Variants in CCDC32 observed in about 807,000 individuals in gnomAD.
CCDC32 encodes coiled-coil domain-containing protein 32.
Under a neutral mutation model 20.1 loss-of-function variants are expected in CCDC32, and 9 were observed. The observed-to-expected ratio is 0.45, with a 90% confidence interval of 0.27 to 0.78. CCDC32 has a LOEUF of 0.78. Ranked by LOEUF, CCDC32 falls within the 30% of genes least tolerant of loss-of-function variation. The pLI, the probability that CCDC32 is intolerant of heterozygous loss-of-function variation, is 0.16. For missense variants in CCDC32, 204 were observed against 215.5 expected (o/e 0.95, Z 0.33); for synonymous variants, 63 against 79.0 (o/e 0.80, Z 1.07).
downstream of CCDC32, among the ~76,000 whole-genome samples, chr15:40,530,291 C>CA (rs3068017): frequency 0.012 from 1,230 of 99,532 alleles, 47 homozygotes; most frequent in East Asian, 0.023. Context: ...AACTACATCT[C>CA]AAAAAAAAAA....
chr15:40,544,466 C>G (rs1889532347), intron 3 of CCDC32, among the ~76,000 whole-genome samples: 1 of 152,200 alleles, frequency 6.6e-6, no homozygotes, highest in Admixed American at 6.5e-5. Flanking sequence ...ATCCTCCCAC[C>G]TTGGCCTCCC....
At chr15:40,528,891 C>T in intron 3 of CCDC32, 9 of 642,770 alleles carry the variant, frequency 1.4e-5, no homozygotes, top group East Asian at 2.7e-5. Flanking sequence ...AGGACAGACT[C>T]GTGTCTAACC....
chr15:40,532,263 T>C, downstream of CCDC32: 1 of 703,270 alleles, frequency 1.4e-6, no homozygotes, highest in Non-Finnish European at 2.6e-6. Flanking sequence ...TGTCCTGGCA[T>C]CAGGTGTCAA....
At chr15:40,560,192 T>TA (rs1398121920) in intron 2 of CCDC32, among the ~76,000 whole-genome samples, 1 of 152,152 alleles carries the variant, frequency 6.6e-6, no homozygotes, top group Non-Finnish European at 1.5e-5. Flanking sequence ...GTATTTTTAT[T>TA]AGAGACAGGG....
downstream of CCDC32, chr15:40,532,195 A>G (rs1595882538): frequency 1.5e-6 from 1 of 667,724 alleles, no homozygotes; most frequent in East Asian, 2.7e-5. Flanking sequence ...GGATCTGGTC[A>G]AGGGATAGGT....
rs536641971 is a variant in CCDC32, at chr15:40,543,067, G to A, written c.402-3712C>T. Among the ~76,000 whole-genome samples, 10 of 151,328 alleles carry A rather than the reference G, an allele frequency of 6.6e-5. 1 individual carries two copies. The Middle Eastern group carries it at 0.014, about 212-fold the overall frequency. On this transcript the variant is annotated intron_variant, in intron 3 of 3. Coordinates refer to the CCDC32 transcript ENST00000558113. Reference sequence around the variant, plus strand: ...TGAGGAGGGAGGACAGCTTGAGCCCGGGAGGTTGAGGCTGCAATAAGCTGT... The same window carrying A: ...TGAGGAGGGAGGACAGCTTGAGCCCAGGAGGTTGAGGCTGCAATAAGCTGT...
chr15:40,548,609 T>C (rs905748287), downstream of CCDC32, among the ~76,000 whole-genome samples: 2 of 152,082 alleles, frequency 1.3e-5, no homozygotes, highest in Admixed American at 6.5e-5. Context: ...ATGAAATCAT[T>C]TGAATTACTT....
intron 3 of CCDC32, among the ~76,000 whole-genome samples, chr15:40,544,811 A>G (rs1285303574): frequency 6.6e-6 from 1 of 151,708 alleles, no homozygotes; most frequent in African/African-American, 2.4e-5. Flanking sequence ...ACTAATAAAT[A>G]CTCTGTTCTT....
chr15:40,555,532 G>A (rs1890177924), intron 3 of CCDC32, among the ~76,000 whole-genome samples: 1 of 152,158 alleles, frequency 6.6e-6, no homozygotes, highest in African/African-American at 2.4e-5. Flanking sequence ...TATGTTTGGA[G>A]CAATTTAAGA....
chr15:40,557,054 T>A, intron 3 of CCDC32, 162 bp downstream of exon 3: 5 of 682,220 alleles, frequency 7.3e-6, no homozygotes, highest in Non-Finnish European at 1.1e-5. Flanking sequence ...ATGAACACAA[T>A]GCTTTATCCT....
the CCDC32 span, among the ~76,000 whole-genome samples, chr15:40,521,075 G>GAGT: frequency 6.6e-6 from 1 of 152,156 alleles, no homozygotes; most frequent in East Asian, 1.9e-4. Context: ...TCTTCGCGTC[G>GAGT]AGTAGGCTGA....
chr15:40,559,493 A>T (rs1292851133), intron 2 of CCDC32, among the ~76,000 whole-genome samples: 1 of 152,138 alleles, frequency 6.6e-6, no homozygotes, highest in Non-Finnish European at 1.5e-5. Context: ...TCATCATTAA[A>T]CAGATGCTTT....
intron 3 of CCDC32, among the ~76,000 whole-genome samples, chr15:40,541,179 GC>G (rs1300760161): frequency 1.3e-5 from 2 of 152,176 alleles, no homozygotes; most frequent in Admixed American, 1.3e-4. Context: ...TCTCTCCTCT[GC>G]GTGAGGCTTT....
intron 3 of CCDC32, among the ~76,000 whole-genome samples, chr15:40,542,075 T>C (rs1187880023): frequency 6.6e-6 from 1 of 152,204 alleles, no homozygotes; most frequent in African/African-American, 2.4e-5. Flanking sequence ...GAAAGGACCT[T>C]AGGGGTGACC....
chr15:40,526,491 G>A (rs1894901893), downstream of CCDC32, among the ~76,000 whole-genome samples: 1 of 152,138 alleles, frequency 6.6e-6, no homozygotes, highest in African/African-American at 2.4e-5. Context: ...ACTAATTTTA[G>A]ACATTCAGAT....
At chr15:40,550,581 A>G (rs1889810091), downstream of CCDC32, among the ~76,000 whole-genome samples, 1 of 152,236 alleles carries the variant, frequency 6.6e-6, no homozygotes, top group Admixed American at 6.5e-5. Flanking sequence ...CCTAAGATAA[A>G]TCTGTATTAA....
chr15:40,562,612 C>T (rs1172584414), intron 2 of CCDC32, among the ~76,000 whole-genome samples, 160 bp downstream of exon 2: 1 of 151,960 alleles, frequency 6.6e-6, no homozygotes, highest in Non-Finnish European at 1.5e-5. Context: ...AAGATCTGTT[C>T]AAGGAAAAGG....
downstream of CCDC32, among the ~76,000 whole-genome samples, chr15:40,548,937 T>G (rs1889731762): frequency 6.6e-6 from 1 of 152,212 alleles, no homozygotes; most frequent in South Asian, 2.1e-4. Context: ...ATACACTGAT[T>G]TGGCCATCTT....
intron 3 of CCDC32, 34 bp downstream of exon 3, chr15:40,557,182 G>C (rs759148196): frequency 6.3e-7 from 1 of 1,578,942 alleles, no homozygotes; most frequent in Non-Finnish European, 8.6e-7. Flanking sequence ...CATAAAGGAT[G>C]ATTTCAGCTG....
Sources: allele counts gnomAD v4.1 joint callset (sites outside exome capture counted in the v4.1 genomes callset), GRCh38; gene constraint gnomAD v4.1.1; transcripts MANE v1.5; gene names NCBI Gene and HGNC (gene_info 2026-07-23, HGNC 2026-07-21).